The following CEP135 variants were observed in gnomAD, a reference collection of about 807,000 sequenced individuals.
The protein encoded by CEP135 is centrosomal protein 135.
A neutral mutation model predicts 157.3 loss-of-function variants in CEP135; 142 were observed. The ratio of observed to expected loss-of-function variants is 0.90; its 90% CI spans 0.79 to 1.04. CEP135 has a LOEUF of 1.04. CEP135 is among the 50% of genes least tolerant of loss of function. CEP135 has a pLI of 0.00. For missense variants in CEP135, 1,317 were observed against 1,309.2 expected, an observed-to-expected ratio of 1.01 and a Z score of -0.09; for synonymous variants, 396 against 439.8, an observed-to-expected ratio of 0.90 and a Z score of 1.25.
At chr4:55,971,170 A>G in intron 9 of CEP135, 100 bp from the exon 10 acceptor site, 1 of 825,418 alleles carries the variant, frequency 1.2e-6, no homozygotes, top group East Asian at 2.9e-5. Flanking sequence ...ACGTATATGT[A>G]AATTGCTGTT....
At chr4:55,959,266 G>A (rs1455123854) in intron 5 of CEP135, among the ~76,000 whole-genome samples, 1 of 152,122 alleles carries the variant, frequency 6.6e-6, no homozygotes, top group Non-Finnish European at 1.5e-5. Flanking sequence ...CTTTTTTCCA[G>A]GGTTTCAAAG....
intron 14 of CEP135, among the ~76,000 whole-genome samples, chr4:55,986,550 GA>G (rs144324605): frequency 7.4e-5 from 11 of 148,380 alleles, no homozygotes; most frequent in South Asian, 2.1e-4. Context: ...TCCAAAAAAA[GA>G]AAAAAAAAAT....
At chr4:56,005,734 C>A (rs1221291711) in intron 17 of CEP135, among the ~76,000 whole-genome samples, 1 of 152,104 alleles carries the variant, frequency 6.6e-6, no homozygotes, top group Non-Finnish European at 1.5e-5. Context: ...TAGTTTTTTT[C>A]TTTCAAATTG....
intron 7 of CEP135, chr4:55,965,155 C>T (rs925022901): frequency 1.3e-5 from 2 of 152,218 alleles, no homozygotes; most frequent in Non-Finnish European, 2.9e-5. Flanking sequence ...TTAATTGTAA[C>T]AATATATTTA....
intron 21 of CEP135, 82 bp downstream of exon 21, chr4:56,012,067 AT>A: frequency 1.4e-4 from 130 of 926,506 alleles, no homozygotes; most frequent in Middle Eastern, 3.8e-4. Context: ...TTATTTATTT[AT>A]TTTTTTTGAG....
chr4:55,997,270 G>C (rs1402551720), intron 15 of CEP135, among the ~76,000 whole-genome samples: 2 of 152,086 alleles, frequency 1.3e-5, no homozygotes, highest in Non-Finnish European at 2.9e-5. Context: ...TCTAGTCTCT[G>C]TTTTCTTCTC....
At chr4:55,962,701 T>G (rs1416912576) in intron 6 of CEP135, among the ~76,000 whole-genome samples, 1 of 151,576 alleles carries the variant, frequency 6.6e-6, no homozygotes, top group Non-Finnish European at 1.5e-5. Context: ...ATGACTTCAT[T>G]TTTTTCCAGT....
At chr4:56,013,627 C>G (rs571920147) in intron 21 of CEP135, among the ~76,000 whole-genome samples, 1 of 152,202 alleles carries the variant, frequency 6.6e-6, no homozygotes, top group East Asian at 1.9e-4. Context: ...TGATAAAAAT[C>G]TCATAATAAA....
At chr4:56,029,838 T>G (rs1731283406) in intron 25 of CEP135, among the ~76,000 whole-genome samples, 1 of 152,146 alleles carries the variant, frequency 6.6e-6, no homozygotes, top group African/African-American at 2.4e-5. Context: ...CAAAGGGAGC[T>G]TGCAGGACTG....
At chr4:56,015,106 T>C (rs970214968) in intron 21 of CEP135, among the ~76,000 whole-genome samples, 1 of 152,108 alleles carries the variant, frequency 6.6e-6, no homozygotes, top group African/African-American at 2.4e-5. Flanking sequence ...CCTATCCAGA[T>C]AGTGTGCTCC....
At position 55,953,282 on chromosome 4, in the gene CEP135, G is replaced by A. The variant is rs1728415354; in HGVS notation, c.304+7G>A. 6.7e-7 allele frequency: 1 copy of A among 1,484,336 alleles called. No individual in the cohort carries two copies. The allele number at this position is 1,484,336 out of a possible 1,614,324, so 91.9% of individuals were successfully genotyped here. On this transcript the variant is annotated splice_region_variant and intron_variant, in intron 3 of 25. Coordinates refer to ENST00000257287, the MANE Select transcript of CEP135 (RefSeq NM_025009.5). The stretch of plus-strand genomic sequence containing the variant: ...TCAGACCAACACGTTAAAGGTAAGT[G>A]AAAATTTGATAATTTTTAAAATGCA...
intron 14 of CEP135, among the ~76,000 whole-genome samples, chr4:55,989,796 A>T (rs898055603): frequency 1.3e-5 from 2 of 152,252 alleles, no homozygotes; most frequent in African/African-American, 4.8e-5. Flanking sequence ...TCAAGTTGTA[A>T]CATATATTAG....
intron 19 of CEP135, among the ~76,000 whole-genome samples, 184 bp from the exon 20 acceptor site, chr4:56,011,228 C>CT (rs1360090236): frequency 6.6e-6 from 1 of 152,126 alleles, no homozygotes; most frequent in Non-Finnish European, 1.5e-5. Flanking sequence ...GAATGAGACT[C>CT]TGTCTGAAAT....
rs766665020 is a variant in CEP135, at chr4:55,974,887, T to C, written c.1391T>C (p.Leu464Pro). ...TATTATAAGAAAGAGCTAGAGAGAC[T>C]CCAACATATAATACAGCGAAGATCT... ...RDYYKKELER[L>P]QHIIQRRSCS... The change falls in exon 11 of 26, where the codon CTC (leucine) becomes CCC (proline). Residue 464 changes from leucine (L) to proline (P), a missense_variant. Transcript: ENST00000257287. 6.2e-7 allele frequency: 1 copy of C among 1,613,730 alleles called. No individual in the cohort carries two copies. Among genetic ancestry groups the C allele is most frequent in the South Asian group, 1.1e-5 (1 of 91,020 alleles).
At chr4:55,986,691 A>G (rs1028317946) in intron 14 of CEP135, among the ~76,000 whole-genome samples, 2 of 152,182 alleles carry the variant, frequency 1.3e-5, no homozygotes, top group Non-Finnish European at 2.9e-5. Flanking sequence ...TCAGGGGTAC[A>G]TGTACAGTTT....
At chr4:55,972,175 C>G (rs941533293) in intron 10 of CEP135, among the ~76,000 whole-genome samples, 1 of 151,936 alleles carries the variant, frequency 6.6e-6, no homozygotes, top group African/African-American at 2.4e-5. Flanking sequence ...TTTATTCATT[C>G]ATTAATTTGA....
At chr4:55,951,822 A>G (rs1728369680) in intron 1 of CEP135, among the ~76,000 whole-genome samples, 1 of 152,160 alleles carries the variant, frequency 6.6e-6, no homozygotes, top group African/African-American at 2.4e-5. Context: ...GTCTCTGCCT[A>G]CTTCAGGCTT....
intron 25 of CEP135, among the ~76,000 whole-genome samples, chr4:56,025,876 T>G (rs555457274): frequency 1.3e-5 from 2 of 151,516 alleles, no homozygotes; most frequent in Admixed American, 6.6e-5. Context: ...AATGAACAAA[T>G]TGAACACATC....
rs186426122 is a variant in CEP135 at position 56,027,755 on chromosome 4, A to G, written c.*11+3141A>G. Among the ~76,000 whole-genome samples the G allele has an allele frequency of 4.0e-3, 602 of 152,242 alleles. 2 individuals carry two copies. Among genetic ancestry groups the G allele is most frequent in the Non-Finnish European group, 6.8e-3 (464 of 68,004 alleles). On this transcript the variant is annotated intron_variant, in intron 25 of 25. Coordinates refer to ENST00000257287, the MANE Select transcript of CEP135 (RefSeq NM_025009.5). The stretch of plus-strand genomic sequence containing the variant: ...CAGGCTGGAAGGATGTGGCATGGTC[A>G]TAGCTCACTGAAACCTCAAACTCTC...
Sources: allele counts gnomAD v4.1 joint callset (sites outside exome capture counted in the v4.1 genomes callset), GRCh38; gene constraint gnomAD v4.1.1; transcripts MANE v1.5; gene names NCBI Gene and HGNC (gene_info 2026-07-23, HGNC 2026-07-21).